The following CCDC7 variants were observed in gnomAD, a reference collection of about 807,000 sequenced individuals.
CCDC7 encodes coiled-coil domain containing 7.
CCDC7 carries 183 observed loss-of-function variants against 196.9 expected under a neutral mutation model. The ratio of observed to expected loss-of-function variants is 0.93; its 90% CI spans 0.82 to 1.05. The LOEUF (loss-of-function observed/expected upper bound fraction) is 1.05, where lower values mean the gene tolerates loss of function less well. CCDC7 is among the 50% of genes least tolerant of loss of function. The pLI, the probability that CCDC7 is intolerant of heterozygous loss-of-function variation, is 0.00. For missense variants in CCDC7, 1,540 were observed against 1,482.2 expected, an observed-to-expected ratio of 1.04 and a Z score of -0.64; for synonymous variants, 525 against 484.6, an observed-to-expected ratio of 1.08 and a Z score of -1.10.
intron 24 of CCDC7, among the ~76,000 whole-genome samples, chr10:32,707,827 C>T (rs2080061355): frequency 6.6e-6 from 1 of 152,024 alleles, no homozygotes; most frequent in Non-Finnish European, 1.5e-5. Context: ...AAAGAGGATA[C>T]AAACAAATGG....
rs1210958906 is a variant in CCDC7, at chr10:32,686,849, A to T, written c.2233+769A>T. Among the ~76,000 whole-genome samples, 7 of 152,166 alleles carry T rather than the reference A, an allele frequency of 4.6e-5. 1 individual carries two copies. The highest frequency in any genetic ancestry group is 1.0e-4 in the Non-Finnish European group (7 of 68,018). The stretch of plus-strand genomic sequence containing the variant: ...CAATACAACATCCAGTCCTTGCTGG[A>T]TAGTGGACTTGCCTGGGCCTACCAG... On this transcript the variant is annotated intron_variant, in intron 22 of 41. Transcript: ENST00000639629.
intron 29 of CCDC7, among the ~76,000 whole-genome samples, chr10:32,795,094 A>G (rs140803289): frequency 6.6e-6 from 1 of 152,314 alleles, no homozygotes; most frequent in East Asian, 1.9e-4. Context: ...TGACTTTCCT[A>G]TACCTGAATA....
At chr10:32,685,319 T>G (rs2076346368) in intron 21 of CCDC7, among the ~76,000 whole-genome samples, 1 of 152,166 alleles carries the variant, frequency 6.6e-6, no homozygotes, top group Non-Finnish European at 1.5e-5. Context: ...TACCACATTA[T>G]TAACCATAAC....
intron 13 of CCDC7, among the ~76,000 whole-genome samples, chr10:32,562,965 C>CA (rs1231298747): frequency 6.6e-6 from 1 of 152,148 alleles, no homozygotes; most frequent in Non-Finnish European, 1.5e-5. Flanking sequence ...TCTCAGTATA[C>CA]AAAATCAATG....
At chr10:32,596,463 A>G (rs2060369979) in intron 18 of CCDC7, among the ~76,000 whole-genome samples, 1 of 152,072 alleles carries the variant, frequency 6.6e-6, no homozygotes, top group South Asian at 2.1e-4. Context: ...AATACAGCAC[A>G]CTGAGGGTGT....
intron 24 of CCDC7, among the ~76,000 whole-genome samples, chr10:32,710,988 G>A (rs2080726998): frequency 6.6e-6 from 1 of 152,142 alleles, no homozygotes; most frequent in Non-Finnish European, 1.5e-5. Context: ...GGATGTATCA[G>A]CATAGATGGG....
Position 32,854,368 on chromosome 10 carries a change from ATAATT to A in CCDC7, c.4022-27_4022-23del, listed in dbSNP as rs774658602. The A allele has an allele frequency of 1.1e-5, 13 of 1,217,782 alleles. No homozygotes were observed. The South Asian group carries it at 1.7e-4, about 16-fold the overall frequency. The allele number at this position is 1,217,782 out of a possible 1,614,324, so 75.4% of individuals were successfully genotyped here. On this transcript the variant is annotated intron_variant, in intron 40 of 41. Coordinates refer to ENST00000639629, the Ensembl canonical transcript of CCDC7. Reference sequence around the variant, plus strand: ...AAGTTGAAATTACTTAATTTACCACATAATTTAATAACACTGTTCTCATTTTTTTA... The same window carrying A: ...AAGTTGAAATTACTTAATTTACCACATAATAACACTGTTCTCATTTTTTTA...
intron 9 of CCDC7, chr10:32,511,371 C>T: frequency 6.2e-7 from 1 of 1,606,552 alleles, no homozygotes; most frequent in South Asian, 1.1e-5. Flanking sequence ...GGTTTTGGTT[C>T]CCAGAGGGCA....
chr10:32,831,216 G>A (rs1041379626), intron 32 of CCDC7, among the ~76,000 whole-genome samples: 1 of 152,156 alleles, frequency 6.6e-6, no homozygotes, highest in African/African-American at 2.4e-5. Context: ...AAAAGATACA[G>A]TAAAAATACC....
intron 24 of CCDC7, among the ~76,000 whole-genome samples, chr10:32,708,289 A>G (rs1278257809): frequency 1.3e-5 from 2 of 152,228 alleles, no homozygotes; most frequent in East Asian, 3.8e-4. Flanking sequence ...CTGAATCTGG[A>G]TCCCTTCCTT....
At chr10:32,826,602 A>C (rs1223942313) in intron 32 of CCDC7, among the ~76,000 whole-genome samples, 1 of 152,014 alleles carries the variant, frequency 6.6e-6, no homozygotes, top group Non-Finnish European at 1.5e-5. Flanking sequence ...CGTGGTCCCC[A>C]CTCCTGCCAC....
At chr10:32,684,676 A>T (rs867289476) in intron 21 of CCDC7, among the ~76,000 whole-genome samples, 2 of 152,226 alleles carry the variant, frequency 1.3e-5, no homozygotes, top group Non-Finnish European at 2.9e-5. Flanking sequence ...AAAGCAGTTC[A>T]CACTAGCTGC....
At chr10:32,740,220 G>C (rs1164236188) in intron 28 of CCDC7, among the ~76,000 whole-genome samples, 1 of 152,142 alleles carries the variant, frequency 6.6e-6, no homozygotes, top group Non-Finnish European at 1.5e-5. Context: ...GTATAATAAA[G>C]CCTGTGTTAG....
intron 3 of CCDC7, among the ~76,000 whole-genome samples, chr10:32,456,983 A>T (rs2034491012): frequency 2.0e-5 from 3 of 151,784 alleles, no homozygotes; most frequent in Admixed American, 6.6e-5. Context: ...TCAAACACCT[A>T]GCATTTCCTT....
chr10:32,544,380 C>T (rs1041462866), intron 13 of CCDC7, 79 bp downstream of exon 14: 15 of 1,421,062 alleles, frequency 1.1e-5, no homozygotes, highest in Admixed American at 3.9e-5. Flanking sequence ...AACATTATTA[C>T]GTATGTGATT....
chr10:32,517,644 G>A (rs1362340911), intron 9 of CCDC7, among the ~76,000 whole-genome samples: 1 of 148,240 alleles, frequency 6.7e-6, no homozygotes. Context: ...GGGAGGGATA[G>A]CATTAGGAGA....
intron 24 of CCDC7, among the ~76,000 whole-genome samples, chr10:32,708,281 G>A (rs1186191382): frequency 1.3e-5 from 2 of 152,180 alleles, no homozygotes; most frequent in Non-Finnish European, 2.9e-5. Flanking sequence ...GGAGAAAGCT[G>A]AATCTGGATC....
intron 29 of CCDC7, among the ~76,000 whole-genome samples, chr10:32,789,340 C>A (rs2082335595): frequency 6.6e-6 from 1 of 151,658 alleles, no homozygotes; most frequent in African/African-American, 2.4e-5. Flanking sequence ...AAACAGACAA[C>A]TAAGAAAAAT....
chr10:32,595,553 T>A (rs2060246214), intron 18 of CCDC7, among the ~76,000 whole-genome samples: 1 of 152,230 alleles, frequency 6.6e-6, no homozygotes, highest in African/African-American at 2.4e-5. Context: ...TCAGTTCTGC[T>A]CTGATCTTAG....
Sources: gnomAD v4.1 joint callset for allele counts (sites outside exome capture counted in the v4.1 genomes callset) on GRCh38, gnomAD v4.1.1 for gene constraint, MANE v1.5 for transcripts, NCBI Gene and HGNC (gene_info 2026-07-23, HGNC 2026-07-21) for gene names.